Variants in IHO1 observed in about 807,000 individuals in gnomAD.
IHO1 encodes the protein interactor of HORMAD1 1.
Under a neutral mutation model 31.0 loss-of-function variants are expected in IHO1, and 13 were observed. That is an observed-to-expected ratio of 0.42 (90% CI 0.27 to 0.67). The LOEUF is 0.67. IHO1 is among the 30% of genes least tolerant of loss of function. IHO1 has a pLI of 0.24. For synonymous variants in IHO1, 221 were observed against 248.4 expected, an observed-to-expected ratio of 0.89 and a Z score of 1.04; for missense variants, 599 against 687.5, an observed-to-expected ratio of 0.87 and a Z score of 1.44.
chr3:49,198,304 C>T (rs759098470), upstream of IHO1: 3 of 152,220 alleles, frequency 2.0e-5, no homozygotes, highest in Non-Finnish European at 4.4e-5. Context: ...TGAACACATC[C>T]GCAGCATTTG....
At chr3:49,200,439 TG>T (rs1290856583) in intron 1 of IHO1, 1 of 327,370 alleles carries the variant, frequency 3.1e-6, no homozygotes, top group Admixed American at 1.0e-4. Context: ...CACTCCAGCC[TG>T]GGCGACAGAG....
At chr3:49,245,030 A>G in intron 6 of IHO1, 1 of 572,434 alleles carries the variant, frequency 1.7e-6, no homozygotes, top group Non-Finnish European at 3.1e-6. Context: ...TCACTGCCTG[A>G]AGTGAGTCAG....
intron 2 of IHO1, among the ~76,000 whole-genome samples, chr3:49,229,690 C>T (rs1294491087): frequency 2.6e-5 from 4 of 152,164 alleles, no homozygotes; most frequent in Admixed American, 2.0e-4. Flanking sequence ...AATCATTTCT[C>T]TTCAGCATGG....
the IHO1 span, among the ~76,000 whole-genome samples, chr3:49,191,415 C>T: frequency 6.6e-6 from 1 of 152,152 alleles, no homozygotes; most frequent in South Asian, 2.1e-4. Flanking sequence ...CAATCTTTGC[C>T]CTCAAAATGT....
chr3:49,191,846 T>C, the IHO1 span: 1 of 1,432,766 alleles, frequency 7.0e-7, no homozygotes, highest in South Asian at 1.2e-5. Flanking sequence ...AGAGAATCTC[T>C]GGAGGTCAAT....
chr3:49,202,877 ACGGAGTCT>A (rs1203371027), intron 1 of IHO1, among the ~76,000 whole-genome samples: 17 of 107,060 alleles, frequency 1.6e-4, no homozygotes, highest in African/African-American at 6.1e-4. Context: ...TTTTTTTGAG[ACGGAGTCT>A]CGCTCTGTCG....
intron 6 of IHO1, chr3:49,244,949 T>C: frequency 1.6e-6 from 1 of 613,798 alleles, no homozygotes; most frequent in Non-Finnish European, 2.9e-6. Flanking sequence ...ATGATGCCTT[T>C]TGTGAGGCAC....
chr3:49,247,944 G>A (rs1366060872), intron 6 of IHO1, among the ~76,000 whole-genome samples: 1 of 151,958 alleles, frequency 6.6e-6, no homozygotes, highest in African/African-American at 2.4e-5. Context: ...GTCCAACATG[G>A]TGAAAACCCG....
intron 2 of IHO1, among the ~76,000 whole-genome samples, chr3:49,236,019 T>TC (rs2046555519): frequency 6.7e-6 from 1 of 150,096 alleles, no homozygotes; most frequent in African/African-American, 2.5e-5. Flanking sequence ...GATGGGCGAA[T>TC]CACCTGAGGT....
intron 7 of IHO1, among the ~76,000 whole-genome samples, 179 bp downstream of exon 7, chr3:49,255,672 C>T (rs1368492317): frequency 6.6e-6 from 1 of 151,444 alleles, no homozygotes; most frequent in Non-Finnish European, 1.5e-5. Flanking sequence ...GCCTCAGCCT[C>T]CTGAGTAGCT....
upstream of IHO1, among the ~76,000 whole-genome samples, chr3:49,194,374 G>A (rs1213439637): frequency 7.0e-6 from 1 of 142,260 alleles, no homozygotes; most frequent in Non-Finnish European, 1.5e-5. Flanking sequence ...TGTGATCTCG[G>A]CTCACTGCAA....
chr3:49,233,327 G>A (rs2046506600), intron 2 of IHO1, among the ~76,000 whole-genome samples: 1 of 152,126 alleles, frequency 6.6e-6, no homozygotes, highest in Admixed American at 6.5e-5. Context: ...AACTATTAAT[G>A]GCTCTTAAAT....
intron 7 of IHO1, 142 bp downstream of exon 7, chr3:49,255,635 C>T (rs540392889): frequency 1.1e-4 from 57 of 524,424 alleles, no homozygotes; most frequent in African/African-American, 6.2e-4. Flanking sequence ...CTGCAACCTC[C>T]GCCTCCCATG....
chr3:49,217,491 G>T (rs1271154376), intron 2 of IHO1, among the ~76,000 whole-genome samples: 4 of 147,544 alleles, frequency 2.7e-5, no homozygotes, highest in Admixed American at 6.8e-5. Context: ...GTTGGGGGGT[G>T]GGGGGCTGGG....
chr3:49,248,637 G>T (rs1270891091), intron 6 of IHO1, among the ~76,000 whole-genome samples: 1 of 142,126 alleles, frequency 7.0e-6, no homozygotes, highest in Non-Finnish European at 1.5e-5. Context: ...GGAGGCAGGA[G>T]AATCACTTGA....
chr3:49,255,590 C>T, intron 7 of IHO1, 97 bp downstream of exon 7: 3 of 708,514 alleles, frequency 4.2e-6, no homozygotes, highest in Non-Finnish European at 6.5e-6. Context: ...GAGACAGAGT[C>T]TCGCTTTGTC....
intron 2 of IHO1, among the ~76,000 whole-genome samples, chr3:49,213,731 C>G (rs530457514): frequency 6.6e-6 from 1 of 152,354 alleles, no homozygotes; most frequent in South Asian, 2.1e-4. Context: ...GCTGGCTGCT[C>G]TGAGTGCAGG....
intron 2 of IHO1, among the ~76,000 whole-genome samples, chr3:49,230,520 G>A (rs968078137): frequency 7.2e-5 from 11 of 152,136 alleles, no homozygotes; most frequent in African/African-American, 2.4e-4. Flanking sequence ...ACAATTTGCC[G>A]GACTTATGTA....
chr3:49,191,648 CA>C, the IHO1 span: 3 of 1,398,166 alleles, frequency 2.1e-6, no homozygotes, highest in African/African-American at 1.4e-5. Flanking sequence ...GGTTGGATGC[CA>C]AATGAAAACC....
Sources: allele counts gnomAD v4.1 joint callset (sites outside exome capture counted in the v4.1 genomes callset), GRCh38; gene constraint gnomAD v4.1.1; transcripts MANE v1.5; gene names NCBI Gene and HGNC (gene_info 2026-07-23, HGNC 2026-07-21).